The following PTPRD variants were observed in gnomAD, a reference collection of about 807,000 sequenced individuals.
The protein encoded by PTPRD is protein tyrosine phosphatase receptor type D.
A neutral mutation model predicts 214.5 loss-of-function variants in PTPRD; 34 were observed. That is an observed-to-expected ratio of 0.16 (90% CI 0.12 to 0.21). PTPRD has a LOEUF of 0.21. Among genes scored for constraint, PTPRD ranks in the 10% least tolerant of loss-of-function variants. The pLI is 1.00. For missense variants in PTPRD, 2,545 were observed against 2,398.7 expected, an observed-to-expected ratio of 1.06 and a Z score of -1.27; for synonymous variants, 1,128 against 845.7, an observed-to-expected ratio of 1.33 and a Z score of -5.79.
intron 44 of PTPRD, among the ~76,000 whole-genome samples, chr9:8,328,363 G>A (rs1411474250): frequency 6.6e-6 from 1 of 152,278 alleles, no homozygotes; most frequent in South Asian, 2.1e-4. Flanking sequence ...CTTCTGGCTT[G>A]TAGGGTTGCT....
At chr9:10,243,803 A>G (rs1022184764) in intron 3 of PTPRD, among the ~76,000 whole-genome samples, 7 of 151,952 alleles carry the variant, frequency 4.6e-5, no homozygotes, top group Non-Finnish European at 1.0e-4. Context: ...AAGTCATCCA[A>G]CCTTTGAACC....
intron 14 of PTPRD, among the ~76,000 whole-genome samples, chr9:8,545,183 A>C (rs943078603): frequency 1.3e-5 from 2 of 152,030 alleles, no homozygotes; most frequent in African/African-American, 4.8e-5. Flanking sequence ...TCCAGAAATA[A>C]TTTTTGTTGA....
chr9:10,281,735 G>A (rs57965846), intron 3 of PTPRD, among the ~76,000 whole-genome samples: 4,963 of 152,148 alleles, frequency 0.033, 286 homozygotes, highest in African/African-American at 0.11. Context: ...ACTATCATAT[G>A]AAAACTCATC....
chr9:9,905,511 C>T (rs1408402816), intron 5 of PTPRD, among the ~76,000 whole-genome samples: 1 of 151,838 alleles, frequency 6.6e-6, no homozygotes, highest in Non-Finnish European at 1.5e-5. Flanking sequence ...GTTATCAAGC[C>T]AGTCAGATAC....
chr9:10,119,167 T>C (rs779755887), intron 3 of PTPRD, among the ~76,000 whole-genome samples: 4 of 152,000 alleles, frequency 2.6e-5, no homozygotes, highest in Non-Finnish European at 4.4e-5. Flanking sequence ...GGATAACTAC[T>C]ATTCATTGAG....
chr9:9,819,567 C>T (rs1425165021), intron 5 of PTPRD, among the ~76,000 whole-genome samples: 1 of 152,030 alleles, frequency 6.6e-6, no homozygotes, highest in South Asian at 2.1e-4. Flanking sequence ...TACCTGTGTA[C>T]GTTGTGTGAT....
At chr9:8,849,747 A>G (rs1393655693) in intron 11 of PTPRD, among the ~76,000 whole-genome samples, 1 of 152,192 alleles carries the variant, frequency 6.6e-6, no homozygotes, top group Non-Finnish European at 1.5e-5. Flanking sequence ...AGAGTATCAC[A>G]GGGCTATGGT....
At chr9:10,247,178 C>T (rs2092244232) in intron 3 of PTPRD, among the ~76,000 whole-genome samples, 2 of 152,042 alleles carry the variant, frequency 1.3e-5, no homozygotes, top group African/African-American at 4.8e-5. Context: ...GTTAATAGTT[C>T]ATATTAATGA....
chr9:8,935,018 TAC>T (rs1295327007), intron 11 of PTPRD, among the ~76,000 whole-genome samples: 2 of 152,170 alleles, frequency 1.3e-5, no homozygotes, highest in African/African-American at 2.4e-5. Context: ...TACTTATATA[TAC>T]ACACACAGAG....
chr9:9,093,983 C>G (rs769387904), intron 10 of PTPRD, among the ~76,000 whole-genome samples: 16 of 151,684 alleles, frequency 1.1e-4, no homozygotes, highest in Non-Finnish European at 2.2e-4. Context: ...GGATATAGGA[C>G]CTCAATACAG....
chr9:8,964,149 A>G (rs897857406), intron 11 of PTPRD, among the ~76,000 whole-genome samples: 1 of 128,854 alleles, frequency 7.8e-6, no homozygotes, highest in Non-Finnish European at 1.6e-5. Context: ...TTCTTTGTAC[A>G]TCTGGTGGAA....
intron 10 of PTPRD, among the ~76,000 whole-genome samples, chr9:9,102,347 T>A (rs2154442300): frequency 6.6e-6 from 1 of 152,312 alleles, no homozygotes; most frequent in Non-Finnish European, 1.5e-5. Flanking sequence ...AGGTAGTGCC[T>A]GAGTAGGGGT....
At chr9:10,167,697 T>C (rs1267557057) in intron 3 of PTPRD, among the ~76,000 whole-genome samples, 3 of 152,202 alleles carry the variant, frequency 2.0e-5, no homozygotes, top group Non-Finnish European at 1.5e-5. Flanking sequence ...CTATCCATTT[T>C]GTTTCCCAGG....
rs183176029 is a variant in PTPRD, at chr9:8,841,426, G to C, written c.-103-107480C>G. Among the ~76,000 whole-genome samples, 28 of 152,136 alleles carry C rather than the reference G, an allele frequency of 1.8e-4. No homozygotes were observed. The East Asian group carries it at 1.9e-3, about 11-fold the overall frequency. ...AAATGTTATAAACAAATAGAAACAA[G>C]CTTTATTTTTTTTAATTAAAAAATG... On this transcript the variant is annotated intron_variant, in intron 11 of 45. Coordinates refer to ENST00000381196, the MANE Select transcript of PTPRD (RefSeq NM_002839.4).
chr9:10,330,412 G>A (rs2096727628), intron 3 of PTPRD, among the ~76,000 whole-genome samples: 1 of 151,738 alleles, frequency 6.6e-6, no homozygotes, highest in Non-Finnish European at 1.5e-5. Flanking sequence ...CTGACTGTGG[G>A]TTATTATAAG....
At chr9:9,284,710 G>T (rs1416705935) in intron 9 of PTPRD, among the ~76,000 whole-genome samples, 1 of 151,740 alleles carries the variant, frequency 6.6e-6, no homozygotes, top group African/African-American at 2.4e-5. Flanking sequence ...GCCTTTTAGA[G>T]AAAAGTGTCC....
Position 8,845,321 on chromosome 9 carries a change from T to A in PTPRD, c.-103-111375A>T, listed in dbSNP as rs534684268. ...TGGCAAAGCTTTCCTTCAGTCAGTG[T>A]CCTATAAAGAAAAAAAGTCGCCAAA... On this transcript the variant is annotated intron_variant, in intron 11 of 45. Coordinates refer to ENST00000381196, the MANE Select transcript of PTPRD (RefSeq NM_002839.4). Among the ~76,000 whole-genome samples, 15 of 152,320 alleles carry A rather than the reference T, an allele frequency of 9.8e-5. No individual in the cohort carries two copies. The East Asian group carries it at 2.7e-3, about 27-fold the overall frequency.
intron 11 of PTPRD, among the ~76,000 whole-genome samples, chr9:8,866,647 T>G (rs2098201566): frequency 6.6e-6 from 1 of 152,184 alleles, no homozygotes; most frequent in Admixed American, 6.6e-5. Context: ...TCTTTACCTC[T>G]TTTCTACCAA....
chr9:8,746,819 C>T (rs1038859263), intron 11 of PTPRD, among the ~76,000 whole-genome samples: 1 of 132,576 alleles, frequency 7.5e-6, no homozygotes, highest in African/African-American at 4.0e-5. Flanking sequence ...CATAACAAGA[C>T]CCCATCTCTA....
Sources: gnomAD v4.1 joint callset for allele counts (sites outside exome capture counted in the v4.1 genomes callset) on GRCh38, gnomAD v4.1.1 for gene constraint, MANE v1.5 for transcripts, NCBI Gene and HGNC (gene_info 2026-07-23, HGNC 2026-07-21) for gene names.